MAGI1: variants seen among roughly 807,000 people sequenced by gnomAD.
MAGI1 encodes the protein membrane-associated guanylate kinase, WW and PDZ domain-containing protein 1.
In MAGI1, 58 loss-of-function variants were observed where a neutral mutation model predicts 139.9. That is an observed-to-expected ratio of 0.41 (90% CI 0.34 to 0.52). The LOEUF is 0.52. Among genes scored for constraint, MAGI1 ranks in the 20% least tolerant of loss-of-function variants. The probability of loss-of-function intolerance (pLI) is 0.12; values close to 1 mark genes in which losing one functional copy is unlikely to be tolerated. For missense variants in MAGI1, 1,874 were observed against 1,901.6 expected, an observed-to-expected ratio of 0.99 and a Z score of 0.27; for synonymous variants, 812 against 737.9, an observed-to-expected ratio of 1.10 and a Z score of -1.63.
At chr3:65,627,564 G>A (rs1243835519) in intron 1 of MAGI1, among the ~76,000 whole-genome samples, 2 of 119,878 alleles carry the variant, frequency 1.7e-5, no homozygotes, top group Non-Finnish European at 3.2e-5. Flanking sequence ...CTGGAGTTCA[G>A]TGACGCGATC....
chr3:65,461,766 G>A (rs900685113), intron 5 of MAGI1, among the ~76,000 whole-genome samples: 1 of 152,048 alleles, frequency 6.6e-6, no homozygotes, highest in African/African-American at 2.4e-5. Context: ...GGGAATACAG[G>A]CGTGAGCCAC....
intron 7 of MAGI1, 101 bp from the exon 8 acceptor site, chr3:65,442,950 A>T: frequency 1.2e-6 from 1 of 820,996 alleles, no homozygotes; most frequent in South Asian, 1.5e-5. Context: ...ACTCATAAAA[A>T]TGCTTTAAAT....
At chr3:65,791,195 C>T (rs2039744230) in intron 1 of MAGI1, among the ~76,000 whole-genome samples, 1 of 152,248 alleles carries the variant, frequency 6.6e-6, no homozygotes, top group African/African-American at 2.4e-5. Context: ...GCCAACCTCT[C>T]TTCGCTCCAA....
At chr3:65,377,602 C>T (rs538805301) in intron 17 of MAGI1, among the ~76,000 whole-genome samples, 1 of 152,314 alleles carries the variant, frequency 6.6e-6, no homozygotes, top group South Asian at 2.1e-4. Flanking sequence ...GACAGTCAAA[C>T]TGTAGATCTG....
At chr3:65,942,777 G>A (rs998276739) in intron 1 of MAGI1, among the ~76,000 whole-genome samples, 4 of 152,182 alleles carry the variant, frequency 2.6e-5, no homozygotes, top group Admixed American at 2.6e-4. Context: ...CTACACTTTA[G>A]TAGGAGGCCA....
intron 12 of MAGI1, among the ~76,000 whole-genome samples, chr3:65,424,262 C>A (rs1397600002): frequency 6.6e-6 from 1 of 152,128 alleles, no homozygotes; most frequent in African/African-American, 2.4e-5. Context: ...CTCTCATTAT[C>A]ATTTTTCTAG....
At chr3:65,882,400 T>C (rs762103385) in intron 1 of MAGI1, among the ~76,000 whole-genome samples, 3 of 152,182 alleles carry the variant, frequency 2.0e-5, no homozygotes. Flanking sequence ...TCTGTTCACC[T>C]CTGGGTGAAT....
At chr3:65,394,137 G>T (rs1254453522) in intron 13 of MAGI1, among the ~76,000 whole-genome samples, 2 of 152,132 alleles carry the variant, frequency 1.3e-5, no homozygotes, top group Admixed American at 1.3e-4. Flanking sequence ...CCCTGACATG[G>T]AAGAACCTAG....
intron 1 of MAGI1, among the ~76,000 whole-genome samples, chr3:65,722,343 G>A (rs577954201): frequency 2.6e-5 from 4 of 152,172 alleles, no homozygotes; most frequent in Admixed American, 6.6e-5. Flanking sequence ...AAATTACTTT[G>A]GGGACCAGGC....
intron 1 of MAGI1, among the ~76,000 whole-genome samples, chr3:65,881,762 G>A (rs181443899): frequency 2.9e-4 from 44 of 152,296 alleles, no homozygotes; most frequent in Non-Finnish European, 3.5e-4. Flanking sequence ...TATGGGAGGG[G>A]GATTCAGCTC....
intron 1 of MAGI1, among the ~76,000 whole-genome samples, chr3:65,837,581 AT>A (rs2058669458): frequency 6.6e-6 from 1 of 152,100 alleles, no homozygotes; most frequent in Non-Finnish European, 1.5e-5. Context: ...TTACCCAACC[AT>A]GGGGGCCAAC....
intron 1 of MAGI1, among the ~76,000 whole-genome samples, chr3:65,787,689 T>C (rs932970106): frequency 2.0e-5 from 3 of 151,644 alleles, no homozygotes; most frequent in African/African-American, 7.3e-5. Context: ...CAGGGACAAG[T>C]TCATGGTGTT....
intron 2 of MAGI1, among the ~76,000 whole-genome samples, chr3:65,498,429 C>A (rs2076956639): frequency 6.6e-6 from 1 of 151,844 alleles, no homozygotes; most frequent in South Asian, 2.1e-4. Context: ...CGTCCAACCC[C>A]CCAAAAAAGA....
At chr3:65,559,514 T>C (rs955494099) in intron 2 of MAGI1, among the ~76,000 whole-genome samples, 2 of 152,246 alleles carry the variant, frequency 1.3e-5, no homozygotes, top group African/African-American at 4.8e-5. Context: ...CTTGTTTTTC[T>C]TTGCCCTCTG....
intron 9 of MAGI1, among the ~76,000 whole-genome samples, chr3:65,439,593 G>A (rs1948096508): frequency 6.6e-6 from 1 of 152,146 alleles, no homozygotes; most frequent in African/African-American, 2.4e-5. Context: ...TGCAAATACT[G>A]CGGGGGCAAG....
chr3:65,542,515 C>T (rs188837268), intron 2 of MAGI1, among the ~76,000 whole-genome samples: 22 of 152,242 alleles, frequency 1.4e-4, no homozygotes, highest in African/African-American at 5.3e-4. Flanking sequence ...TACTACAAGG[C>T]TATAGTAACC....
chr3:65,684,076 G>C (rs1404346544), intron 1 of MAGI1, among the ~76,000 whole-genome samples: 1 of 149,704 alleles, frequency 6.7e-6, no homozygotes, highest in Non-Finnish European at 1.5e-5. Flanking sequence ...TGGGAGGCTG[G>C]GGCAGGAGGA....
At chr3:65,694,846 C>T (rs1448663732) in intron 1 of MAGI1, among the ~76,000 whole-genome samples, 2 of 152,244 alleles carry the variant, frequency 1.3e-5, no homozygotes, top group Non-Finnish European at 2.9e-5. Context: ...CTACTCACTA[C>T]CTGGCTGGCT....
intron 1 of MAGI1, among the ~76,000 whole-genome samples, chr3:65,989,111 C>T (rs1196648744): frequency 6.6e-6 from 1 of 152,226 alleles, no homozygotes; most frequent in East Asian, 1.9e-4. Flanking sequence ...CAAAATTACA[C>T]ATTTAAAATG....
Sources: gnomAD v4.1 joint callset for allele counts (sites outside exome capture counted in the v4.1 genomes callset) on GRCh38, gnomAD v4.1.1 for gene constraint, MANE v1.5 for transcripts, NCBI Gene and HGNC (gene_info 2026-07-23, HGNC 2026-07-21) for gene names.